NIBAN1: variants seen among roughly 807,000 people sequenced by gnomAD.
NIBAN1 encodes the protein protein Niban 1.
NIBAN1 carries 81 observed loss-of-function variants against 75.1 expected under a neutral mutation model. The ratio of observed to expected loss-of-function variants is 1.08; its 90% CI spans 0.90 to 1.30. The LOEUF (loss-of-function observed/expected upper bound fraction) is 1.30. NIBAN1 is among the 50% of genes most tolerant of loss of function. NIBAN1 has a pLI of 0.00. For missense variants in NIBAN1, 1,133 were observed against 1,128.1 expected (o/e 1.00, Z -0.06); for synonymous variants, 436 against 424.8 (o/e 1.03, Z -0.32).
intron 2 of NIBAN1, among the ~76,000 whole-genome samples, 164 bp from the exon 3 acceptor site, chr1:184,894,370 A>G (rs1656746886): frequency 6.6e-6 from 1 of 151,796 alleles, no homozygotes; most frequent in African/African-American, 2.4e-5. Flanking sequence ...TCCCTTTCCT[A>G]CTCCACTTGA....
In NIBAN1 at chr1:184,801,752, A is replaced by G. The variant is rs1466349149; in HGVS notation, c.1554+1833T>C. ...TGGGCTGGCACAATGCCTGGATCAC[A>G]TGTGATACAAATCTAATACATATTT... On this transcript the variant is annotated intron_variant, in intron 12 of 13. Transcript: ENST00000367511. 3.9e-5 allele frequency among the ~76,000 whole-genome samples: 6 copies of G among 152,344 alleles called. No homozygotes were observed. In the East Asian group the frequency reaches 1.2e-3, roughly 29 times the overall value.
Position 184,795,659 on chromosome 1 carries a change from G to A in NIBAN1, c.2105C>T (p.Pro702Leu), listed in dbSNP as rs1332204737. ...DEEPAQEEPE[P>L]ITASGSLKAL... is the part of the protein sequence containing the mutation. ...CTTCAAAGAACCCGAGGCAGTGATG[G>A]GTTCTGGCTCTTCCTGGGCGGGTTC... is the stretch of plus-strand genomic sequence containing the variant. Residue 702 changes from proline (P) to leucine (L), a missense_variant, in exon 14 of 14, where the codon CCC becomes CTC. By Grantham distance (98) the Pro-to-Leu change is moderately conservative. Transcript: ENST00000367511. 3.1e-6 allele frequency: 5 copies of A among 1,614,150 alleles called. No homozygotes were observed. Among genetic ancestry groups the A allele is most frequent in the East Asian group, 2.2e-5 (1 of 44,886 alleles).
At chr1:184,886,259 C>T (rs775844869) in intron 4 of NIBAN1, among the ~76,000 whole-genome samples, 2 of 152,116 alleles carry the variant, frequency 1.3e-5, no homozygotes, top group Non-Finnish European at 2.9e-5. Context: ...TGTTTTCATG[C>T]CCAGCGCCCA....
intron 5 of NIBAN1, among the ~76,000 whole-genome samples, chr1:184,835,719 C>T (rs1215995295): frequency 6.6e-6 from 1 of 152,200 alleles, no homozygotes; most frequent in Non-Finnish European, 1.5e-5. Flanking sequence ...GCTGAAGTTG[C>T]TTATCAGCTT....
chr1:184,852,612 T>C (rs567299692), intron 5 of NIBAN1, among the ~76,000 whole-genome samples: 7 of 152,366 alleles, frequency 4.6e-5, no homozygotes, highest in African/African-American at 1.4e-4. Context: ...GACCATCATG[T>C]CTGCTTTCTC....
rs566106228 is a variant in NIBAN1 at position 184,832,755 on chromosome 1, T to C, written c.602-793A>G. Among the ~76,000 whole-genome samples, 16 of 152,268 alleles carry C rather than the reference T, an allele frequency of 1.1e-4. No homozygotes were observed. In the East Asian group the frequency reaches 1.5e-3, roughly 15 times the overall value. On this transcript the variant is annotated intron_variant, in intron 5 of 13. Coordinates refer to ENST00000367511, the MANE Select transcript of NIBAN1 (RefSeq NM_052966.4). ...ATGGTGTCATATCTGAGAGGTACTA[T>C]CCTACCACAAGGAATGAATATCTAA...
chr1:184,856,457 G>A (rs1013312713), intron 5 of NIBAN1, among the ~76,000 whole-genome samples: 2 of 152,032 alleles, frequency 1.3e-5, no homozygotes, highest in Non-Finnish European at 2.9e-5. Flanking sequence ...TTGAAAATTT[G>A]ACCATGGACA....
intron 1 of NIBAN1, among the ~76,000 whole-genome samples, chr1:184,904,937 T>A (rs1657052371): frequency 3.4e-5 from 1 of 29,634 alleles, no homozygotes; most frequent in African/African-American, 4.3e-4. Context: ...CAGAGCGAGA[T>A]CTGTCTCAAA....
chr1:184,932,569 G>A (rs1228654403), intron 1 of NIBAN1, among the ~76,000 whole-genome samples: 3 of 152,152 alleles, frequency 2.0e-5, no homozygotes, highest in Non-Finnish European at 4.4e-5. Flanking sequence ...CTCATCTGCT[G>A]CTCACCTCCT....
intron 1 of NIBAN1, among the ~76,000 whole-genome samples, chr1:184,938,762 A>C (rs1658021451): frequency 6.6e-6 from 1 of 152,236 alleles, no homozygotes; most frequent in South Asian, 2.1e-4. Flanking sequence ...ATAAATGCCA[A>C]ATATAAATAC....
Position 184,930,996 on chromosome 1 carries a change from TC to T in NIBAN1, c.56-31688del, listed in dbSNP as rs1382694241. 8.2e-5 allele frequency among the ~76,000 whole-genome samples: 9 copies of T among 109,884 alleles called. 1 individual carries two copies. Among genetic ancestry groups the T allele is most frequent in the Non-Finnish European group, 9.9e-5 (6 of 60,580 alleles). 72.1% of individuals were successfully genotyped at this position (109,884 alleles called of 152,430 possible). On this transcript the variant is annotated intron_variant, in intron 1 of 13. Transcript: ENST00000367511. Reference sequence around the variant, plus strand: ...TGTTTCTAAGTGCACTTTTTCTTCTTCTTTTTTTTTTTTTTTTTTTTGAGAC... The same window carrying T: ...TGTTTCTAAGTGCACTTTTTCTTCTTTTTTTTTTTTTTTTTTTTTTGAGAC...
intron 5 of NIBAN1, among the ~76,000 whole-genome samples, chr1:184,851,644 T>TA (rs67240290): frequency 0.5 from 58,383 of 115,666 alleles, 27,870 homozygotes; most frequent in East Asian, 0.68. Context: ...AAAAAAAAAT[T>TA]AAAAAAAAAA....
intron 1 of NIBAN1, among the ~76,000 whole-genome samples, chr1:184,909,965 A>C (rs990802698): frequency 6.6e-6 from 1 of 152,212 alleles, no homozygotes; most frequent in Non-Finnish European, 1.5e-5. Flanking sequence ...TGCTCTAAAA[A>C]TAGAGGCCAA....
At chr1:184,894,008 C>A in intron 3 of NIBAN1, 67 bp downstream of exon 3, 1 of 1,493,036 alleles carries the variant, frequency 6.7e-7, no homozygotes, top group South Asian at 1.4e-5. Flanking sequence ...GGAGAGGGCA[C>A]ACCAATCAAC....
rs552614050 is a variant in NIBAN1, at chr1:184,794,786, T to A, written c.*191A>T. On this transcript the variant is annotated 3_prime_UTR_variant, in exon 14 of 14. Coordinates refer to ENST00000367511, the MANE Select transcript of NIBAN1 (RefSeq NM_052966.4). The stretch of plus-strand genomic sequence containing the variant: ...ATTAAAATACTAAAGCAAAAATTCA[T>A]CGTAGAACAATTCATGTCCACAAAG... 1.7e-4 allele frequency: 118 copies of A among 712,860 alleles called. 5 individuals are homozygous for A. The South Asian group carries it at 2.0e-3, about 12-fold the overall frequency. 44.2% of individuals were successfully genotyped at this position (712,860 alleles called of 1,614,324 possible).
chr1:184,942,693 CAA>C lies in NIBAN1; in HGVS notation c.55+31607_55+31608del, dbSNP rs1235041623. 1.1e-3 allele frequency among the ~76,000 whole-genome samples: 86 copies of C among 78,372 alleles called. 1 individual carries two copies. Among genetic ancestry groups the C allele is most frequent in the Non-Finnish European group, 1.5e-3 (57 of 37,894 alleles). The allele number at this position is 78,372 out of a possible 152,430, so 51.4% of individuals were successfully genotyped here. On this transcript the variant is annotated intron_variant, in intron 1 of 13. Coordinates refer to ENST00000367511, the MANE Select transcript of NIBAN1 (RefSeq NM_052966.4). ...TGGGCGACAGAGCGAGACTCCGTCT[CAA>C]AAAAAAAAAAAAAAAAAAAAGAATC...
chr1:184,886,080 C>T (rs1262786408), intron 4 of NIBAN1, among the ~76,000 whole-genome samples: 2 of 152,094 alleles, frequency 1.3e-5, no homozygotes, highest in African/African-American at 4.8e-5. Context: ...CCATAGAACC[C>T]TCTCTTCCCT....
chr1:184,898,858 T>C (rs906279096), intron 2 of NIBAN1, among the ~76,000 whole-genome samples: 5 of 152,114 alleles, frequency 3.3e-5, no homozygotes, highest in African/African-American at 1.2e-4. Context: ...AATTAGGGGA[T>C]TCAAAGAGAA....
chr1:184,806,250 G>A (rs1226172136), intron 10 of NIBAN1, among the ~76,000 whole-genome samples, 194 bp from the exon 11 acceptor site: 4 of 152,178 alleles, frequency 2.6e-5, no homozygotes, highest in East Asian at 3.8e-4. Flanking sequence ...GGTCACAGTG[G>A]GAGCAGGAAG....
Sources: gnomAD v4.1 joint callset for allele counts (sites outside exome capture counted in the v4.1 genomes callset) on GRCh38, gnomAD v4.1.1 for gene constraint, MANE v1.5 for transcripts, NCBI Gene and HGNC (gene_info 2026-07-23, HGNC 2026-07-21) for gene names.